Variants in CAMK4 observed in about 807,000 individuals in gnomAD.
The protein encoded by CAMK4 is calcium/calmodulin dependent protein kinase IV.
CAMK4 carries 22 observed loss-of-function variants against 44.9 expected under a neutral mutation model. The observed-to-expected ratio is 0.49, with a 90% CI of 0.35 to 0.70. CAMK4 has a LOEUF of 0.70. CAMK4 is among the 30% of genes least tolerant of loss of function. The pLI is 0.01. For synonymous variants in CAMK4, 218 were observed against 215.4 expected, an observed-to-expected ratio of 1.01 and a Z score of -0.11; for missense variants, 498 against 586.8, an observed-to-expected ratio of 0.85 and a Z score of 1.56.
intron 7 of CAMK4, among the ~76,000 whole-genome samples, chr5:111,453,288 C>T (rs1478522871): frequency 6.6e-6 from 1 of 152,138 alleles, no homozygotes; most frequent in African/African-American, 2.4e-5. Flanking sequence ...TAACCTAGAG[C>T]AGAGGCAATA....
chr5:111,370,748 C>G (rs978253630), intron 2 of CAMK4, among the ~76,000 whole-genome samples: 3 of 152,062 alleles, frequency 2.0e-5, no homozygotes, highest in Non-Finnish European at 4.4e-5. Flanking sequence ...AACCCCGTCT[C>G]TACCAGAAAT....
At chr5:111,260,373 C>A (rs1749922876) in intron 1 of CAMK4, among the ~76,000 whole-genome samples, 1 of 152,174 alleles carries the variant, frequency 6.6e-6, no homozygotes, top group South Asian at 2.1e-4. Context: ...CCCACCTACA[C>A]CATGTCCGCT....
chr5:111,432,126 G>C (rs1456736479), intron 5 of CAMK4, among the ~76,000 whole-genome samples: 1 of 152,050 alleles, frequency 6.6e-6, no homozygotes, highest in Non-Finnish European at 1.5e-5. Context: ...ACAGATGACT[G>C]GATAAAGAAA....
intron 2 of CAMK4, among the ~76,000 whole-genome samples, chr5:111,369,548 A>G (rs1254527596): frequency 6.6e-6 from 1 of 152,202 alleles, no homozygotes; most frequent in Non-Finnish European, 1.5e-5. Flanking sequence ...TGAGAAGAGT[A>G]TCATTGTTTT....
chr5:111,384,626 A>C (rs897902121), intron 4 of CAMK4, among the ~76,000 whole-genome samples: 1 of 152,124 alleles, frequency 6.6e-6, no homozygotes, highest in South Asian at 2.1e-4. Flanking sequence ...TAAACTAATC[A>C]ACATGAATTT....
At chr5:111,439,501 G>T (rs1433428393) in intron 5 of CAMK4, among the ~76,000 whole-genome samples, 2 of 152,102 alleles carry the variant, frequency 1.3e-5, no homozygotes, top group Non-Finnish European at 2.9e-5. Context: ...TTTCTGGCTT[G>T]GTCAATTGGA....
intron 1 of CAMK4, among the ~76,000 whole-genome samples, chr5:111,236,079 G>A (rs1264240649): frequency 2.6e-5 from 4 of 152,222 alleles, no homozygotes; most frequent in Admixed American, 6.5e-5. Context: ...GATTGTGGTA[G>A]TGTGTTCTCC....
intron 1 of CAMK4, among the ~76,000 whole-genome samples, chr5:111,256,338 T>G (rs533161876): frequency 6.6e-6 from 1 of 152,206 alleles, no homozygotes; most frequent in South Asian, 2.1e-4. Context: ...GATACTATTG[T>G]GGGGATGTAA....
chr5:111,373,162 C>T (rs1006972289), intron 2 of CAMK4, among the ~76,000 whole-genome samples: 1 of 152,092 alleles, frequency 6.6e-6, no homozygotes, highest in Non-Finnish European at 1.5e-5. Context: ...TAAAACATCC[C>T]ATGCCTCTTG....
chr5:111,334,458 A>G (rs186293554), intron 1 of CAMK4, among the ~76,000 whole-genome samples: 12 of 151,622 alleles, frequency 7.9e-5, no homozygotes, highest in Non-Finnish European at 1.5e-4. Context: ...GCCAAGATGT[A>G]TACTGATATT....
chr5:111,271,125 A>G (rs1345666981), intron 1 of CAMK4, among the ~76,000 whole-genome samples: 2 of 152,202 alleles, frequency 1.3e-5, no homozygotes, highest in African/African-American at 4.8e-5. Context: ...CCCTCCCTTG[A>G]CACTTGGGGA....
intron 1 of CAMK4, among the ~76,000 whole-genome samples, chr5:111,340,076 C>T (rs1007598626): frequency 2.0e-5 from 3 of 150,996 alleles, no homozygotes; most frequent in African/African-American, 7.3e-5. Flanking sequence ...ATTTTGTATC[C>T]TGCAACTTTA....
chr5:111,422,562 G>A (rs1038246682), intron 5 of CAMK4, among the ~76,000 whole-genome samples: 1 of 152,126 alleles, frequency 6.6e-6, no homozygotes. Context: ...ACTAATTTAA[G>A]CAGTCTTGTG....
chr5:111,340,043 A>G (rs1433577754), intron 1 of CAMK4, among the ~76,000 whole-genome samples: 1 of 151,024 alleles, frequency 6.6e-6, no homozygotes, highest in African/African-American at 2.4e-5. Flanking sequence ...GTATAGAGAA[A>G]CCCAACTGAT....
intron 4 of CAMK4, among the ~76,000 whole-genome samples, chr5:111,393,977 G>C (rs1181308931): frequency 6.6e-6 from 1 of 151,624 alleles, no homozygotes; most frequent in African/African-American, 2.4e-5. Context: ...AACAGAGATG[G>C]AGAAGGGATG....
chr5:111,453,323 A>G (rs1274000382), intron 7 of CAMK4, among the ~76,000 whole-genome samples: 1 of 152,216 alleles, frequency 6.6e-6, no homozygotes, highest in Admixed American at 6.5e-5. Context: ...TTAAATACAA[A>G]TTTTAATCTA....
intron 7 of CAMK4, among the ~76,000 whole-genome samples, chr5:111,452,168 A>G (rs1020142649): frequency 6.6e-6 from 1 of 152,224 alleles, no homozygotes; most frequent in Admixed American, 6.5e-5. Flanking sequence ...GTACAGGGAG[A>G]GCAAAGTCAT....
At chr5:111,381,860 T>C (rs958364266) in intron 4 of CAMK4, among the ~76,000 whole-genome samples, 14 of 152,202 alleles carry the variant, frequency 9.2e-5, no homozygotes, top group African/African-American at 3.4e-4. Context: ...TGTATTTTCC[T>C]GATTTAAAAA....
intron 2 of CAMK4, among the ~76,000 whole-genome samples, chr5:111,351,854 G>A (rs919697776): frequency 2.6e-5 from 4 of 152,068 alleles, no homozygotes; most frequent in South Asian, 2.1e-4. Flanking sequence ...TGGCTTATAC[G>A]ATAGAAATTT....
Sources: allele counts gnomAD v4.1 joint callset (sites outside exome capture counted in the v4.1 genomes callset), GRCh38; gene constraint gnomAD v4.1.1; transcripts MANE v1.5; gene names NCBI Gene and HGNC (gene_info 2026-07-23, HGNC 2026-07-21).